The following TACR3 variants were observed in gnomAD, a reference collection of about 807,000 sequenced individuals.
The protein encoded by TACR3 is neuromedin-K receptor.
TACR3 carries 34 observed loss-of-function variants against 35.0 expected under a neutral mutation model. The observed-to-expected ratio is 0.97, with a 90% CI of 0.74 to 1.30. The LOEUF is 1.30. Among genes scored for constraint, TACR3 ranks in the 50% most tolerant of loss-of-function variants. The pLI, the probability that TACR3 is intolerant of heterozygous loss-of-function variation, is 0.00. For synonymous variants in TACR3, 233 were observed against 221.1 expected (o/e 1.05, Z -0.48); for missense variants, 558 against 591.7 (o/e 0.94, Z 0.59).
chr4:103,608,827 G>C (rs1724445481), intron 3 of TACR3, among the ~76,000 whole-genome samples: 1 of 152,016 alleles, frequency 6.6e-6, no homozygotes, highest in Non-Finnish European at 1.5e-5. Context: ...GGATTTGTAA[G>C]TAAGTTACAT....
intron 1 of TACR3, among the ~76,000 whole-genome samples, chr4:103,674,022 G>A (rs556228467): frequency 4.7e-4 from 72 of 152,262 alleles, no homozygotes; most frequent in African/African-American, 1.6e-3. Flanking sequence ...TGGCTTAAAC[G>A]TGGAGGAGTT....
intron 1 of TACR3, among the ~76,000 whole-genome samples, chr4:103,679,766 G>A (rs1175385832): frequency 6.6e-5 from 10 of 151,802 alleles, no homozygotes; most frequent in Non-Finnish European, 1.3e-4. Context: ...ATAACTGCAG[G>A]GAAAGGTAAG....
At chr4:103,706,138 A>C (rs945786445) in intron 1 of TACR3, among the ~76,000 whole-genome samples, 3 of 152,126 alleles carry the variant, frequency 2.0e-5, no homozygotes, top group Non-Finnish European at 4.4e-5. Flanking sequence ...CAACTGGATG[A>C]ATGCTTGCAC....
chr4:103,719,426 G>C lies in TACR3; in HGVS notation c.250C>G (p.Arg84Gly). The change falls in exon 1 of 5, where the codon CGC becomes GGC. Residue 84 changes from arginine (R) to glycine (G), a missense_variant. Arg to Gly is a moderately radical substitution (Grantham distance 125). Coordinates refer to ENST00000304883, the MANE Select transcript of TACR3 (RefSeq NM_001059.3). Reference sequence around the variant, plus strand: ...TACGCCAGGGACCAGAGCGCGATGCGCCAGGACGGCTGCACGAACTGGTTG... The same window carrying C: ...TACGCCAGGGACCAGAGCGCGATGCCCCAGGACGGCTGCACGAACTGGTTG... ...LTNQFVQPSW[R>G]IALWSLAYGV... The C allele has an allele frequency of 6.2e-7, 1 of 1,614,226 alleles. No homozygotes were observed. Among genetic ancestry groups the C allele is most frequent in the Non-Finnish European group, 8.5e-7 (1 of 1,180,044 alleles).
At chr4:103,621,266 C>T (rs1560810073) in intron 3 of TACR3, among the ~76,000 whole-genome samples, 1 of 152,118 alleles carries the variant, frequency 6.6e-6, no homozygotes, top group Non-Finnish European at 1.5e-5. Context: ...ACTCATGCCT[C>T]CTTCTAGTAT....
chr4:103,597,360 T>C (rs892998257), intron 3 of TACR3, among the ~76,000 whole-genome samples: 7 of 152,264 alleles, frequency 4.6e-5, no homozygotes, highest in African/African-American at 1.7e-4. Context: ...ACAAGATTGA[T>C]TCTTTCTAAA....
At chr4:103,671,353 A>T (rs1726054034) in intron 1 of TACR3, among the ~76,000 whole-genome samples, 1 of 152,008 alleles carries the variant, frequency 6.6e-6, no homozygotes, top group African/African-American at 2.4e-5. Flanking sequence ...GAATAGTATG[A>T]GTAGGATTGG....
At chr4:103,607,711 T>C (rs898051097) in intron 3 of TACR3, among the ~76,000 whole-genome samples, 7 of 152,092 alleles carry the variant, frequency 4.6e-5, no homozygotes, top group Non-Finnish European at 8.8e-5. Context: ...TGGGAATGAA[T>C]GAAATTACTC....
At chr4:103,591,835 A>G in intron 3 of TACR3, 152 bp from the exon 4 acceptor site, 3 of 779,140 alleles carry the variant, frequency 3.9e-6, no homozygotes, top group Non-Finnish European at 6.2e-6. Context: ...CAATATACGG[A>G]CAGTTGCCTA....
In TACR3 at chr4:103,719,441, C is replaced by T. The variant is rs1723160184; in HGVS notation, c.235G>A (p.Val79Met). The T allele has an allele frequency of 6.2e-6, 10 of 1,614,236 alleles. No individual in the cohort carries two copies. The highest frequency in any genetic ancestry group is 1.1e-5 in the South Asian group (1 of 91,090). Residue 79 changes from valine to methionine, a missense_variant, in exon 1 of 5, where the codon GTG becomes ATG. Physicochemically the swap from Val to Met is conservative, Grantham distance 21. Coordinates refer to ENST00000304883, the MANE Select transcript of TACR3 (RefSeq NM_001059.3). ...QPWANLTNQF[V>M]QPSWRIALWS... ...AGCGCGATGCGCCAGGACGGCTGCA[C>T]GAACTGGTTGGTGAGGTTGGCCCAG... is the stretch of plus-strand genomic sequence containing the variant.
chr4:103,622,244 G>A (rs1354265438), intron 3 of TACR3, among the ~76,000 whole-genome samples: 2 of 152,128 alleles, frequency 1.3e-5, no homozygotes, highest in Admixed American at 6.6e-5. Flanking sequence ...ATTAATCAAA[G>A]GTGTAAAAGA....
chr4:103,643,405 C>T (rs1268358682), intron 3 of TACR3, among the ~76,000 whole-genome samples: 14 of 147,912 alleles, frequency 9.5e-5, no homozygotes, highest in Non-Finnish European at 1.0e-4. Context: ...AGTCTGGCGA[C>T]AGAGTGAGAC....
intron 1 of TACR3, among the ~76,000 whole-genome samples, chr4:103,688,189 A>G (rs796151325): frequency 3.3e-5 from 5 of 152,204 alleles, no homozygotes; most frequent in African/African-American, 4.8e-5. Flanking sequence ...AAAACTGGCT[A>G]GCCATATGTA....
chr4:103,718,967 G>C (rs1723148670), intron 1 of TACR3, among the ~76,000 whole-genome samples, 161 bp downstream of exon 1: 1 of 152,150 alleles, frequency 6.6e-6, no homozygotes, highest in Non-Finnish European at 1.5e-5. Context: ...TCAGCCACTC[G>C]AGGGCTACAA....
chr4:103,590,752 C>T (rs528006200), intron 4 of TACR3, among the ~76,000 whole-genome samples: 27 of 152,274 alleles, frequency 1.8e-4, no homozygotes, highest in Admixed American at 1.4e-3. Context: ...ACAGGACTTA[C>T]GAGCCCTATG....
At chr4:103,592,523 G>A (rs1178943874) in intron 3 of TACR3, among the ~76,000 whole-genome samples, 1 of 152,168 alleles carries the variant, frequency 6.6e-6, no homozygotes, top group African/African-American at 2.4e-5. Flanking sequence ...ATCTATCACA[G>A]TCCTTGATAT....
intron 3 of TACR3, among the ~76,000 whole-genome samples, chr4:103,647,024 C>A (rs775699408): frequency 6.6e-6 from 1 of 151,960 alleles, no homozygotes; most frequent in South Asian, 2.1e-4. Context: ...TTACAGTCTT[C>A]GATTTTAGTA....
At chr4:103,657,301 G>A (rs1007861347) in intron 2 of TACR3, among the ~76,000 whole-genome samples, 2 of 151,640 alleles carry the variant, frequency 1.3e-5, no homozygotes, top group South Asian at 2.1e-4. Context: ...ACTAAGTATT[G>A]ATTTAAAGTC....
chr4:103,618,666 A>G (rs1724711874), intron 3 of TACR3, among the ~76,000 whole-genome samples: 1 of 144,316 alleles, frequency 6.9e-6, no homozygotes, highest in African/African-American at 2.7e-5. Context: ...ATAGCACTGA[A>G]TCTGTAAATT....
Sources: allele counts gnomAD v4.1 joint callset (sites outside exome capture counted in the v4.1 genomes callset), GRCh38; gene constraint gnomAD v4.1.1; transcripts MANE v1.5; gene names NCBI Gene and HGNC (gene_info 2026-07-23, HGNC 2026-07-21).